The following TMEM114 variants were observed in gnomAD, a reference collection of about 807,000 sequenced individuals.
The protein encoded by TMEM114 is transmembrane protein 114.
Under a neutral mutation model 6.2 loss-of-function variants are expected in TMEM114, and 6 were observed. The ratio of observed to expected loss-of-function variants is 0.97; its 90% CI spans 0.53 to 1.91. TMEM114 has a LOEUF of 1.91. Among genes scored for constraint, TMEM114 ranks in the 40% most tolerant of loss-of-function variants. TMEM114 has a pLI of 0.01. For synonymous variants in TMEM114, 104 were observed against 73.0 expected, an observed-to-expected ratio of 1.42 and a Z score of -2.16; for missense variants, 218 against 158.3, an observed-to-expected ratio of 1.38 and a Z score of -2.02.
At chr16:8,533,596 G>A (rs568415019), downstream of TMEM114, among the ~76,000 whole-genome samples, 1 of 152,322 alleles carries the variant, frequency 6.6e-6, no homozygotes, top group East Asian at 1.9e-4. Context: ...CAACCAAGTG[G>A]ATGCTTTATG....
intron 2 of TMEM114, among the ~76,000 whole-genome samples, chr16:8,564,158 T>C (rs1305837249): frequency 4.0e-5 from 6 of 151,422 alleles, no homozygotes; most frequent in East Asian, 3.9e-4. Context: ...AATGAGTTAG[T>C]GAATGAGTGA....
At chr16:8,558,297 C>T (rs1901081355) in intron 2 of TMEM114, among the ~76,000 whole-genome samples, 1 of 152,090 alleles carries the variant, frequency 6.6e-6, no homozygotes, top group African/African-American at 2.4e-5. Flanking sequence ...GTCAGGTGGG[C>T]CATGCACCCT....
chr16:8,582,644 C>T (rs192973788), intron 2 of TMEM114, among the ~76,000 whole-genome samples: 4 of 152,270 alleles, frequency 2.6e-5, no homozygotes, highest in African/African-American at 4.8e-5. Flanking sequence ...AATCCCAGCA[C>T]TTTGGGAGGC....
At chr16:8,536,063 T>C (rs1330106803), downstream of TMEM114, among the ~76,000 whole-genome samples, 3 of 151,992 alleles carry the variant, frequency 2.0e-5, no homozygotes, top group African/African-American at 4.8e-5. Flanking sequence ...CCGTCTCTAC[T>C]AAAAATACAA....
intron 2 of TMEM114, among the ~76,000 whole-genome samples, chr16:8,553,673 G>T (rs1456033039): frequency 6.6e-6 from 1 of 151,964 alleles, no homozygotes. Context: ...AGTAGAGATG[G>T]GGCTTCACTG....
intron 2 of TMEM114, among the ~76,000 whole-genome samples, chr16:8,582,811 A>G (rs1193452294): frequency 6.6e-6 from 1 of 152,106 alleles, no homozygotes; most frequent in Non-Finnish European, 1.5e-5. Context: ...GCTCAGGAGA[A>G]TTGCTTGAAC....
chr16:8,530,005 C>A, the TMEM114 span, among the ~76,000 whole-genome samples: 1 of 152,184 alleles, frequency 6.6e-6, no homozygotes, highest in Non-Finnish European at 1.5e-5. Flanking sequence ...AATTGTGAAA[C>A]CTAATTTTTT....
chr16:8,550,225 C>G (rs1460703342), intron 2 of TMEM114, among the ~76,000 whole-genome samples: 2 of 152,220 alleles, frequency 1.3e-5, no homozygotes, highest in Non-Finnish European at 2.9e-5. Flanking sequence ...TCTTCCTCTA[C>G]CAGTCCACTG....
At chr16:8,547,638 G>T (rs181695364) in intron 2 of TMEM114, among the ~76,000 whole-genome samples, 1 of 152,134 alleles carries the variant, frequency 6.6e-6, no homozygotes, top group African/African-American at 2.4e-5. Flanking sequence ...TGATCCACCC[G>T]CCTCGGCCTC....
chr16:8,557,705 C>G (rs1283730571), intron 2 of TMEM114, among the ~76,000 whole-genome samples: 2 of 152,214 alleles, frequency 1.3e-5, no homozygotes, highest in African/African-American at 2.4e-5. Flanking sequence ...TATTTCCTGC[C>G]TCTGAGCCTC....
At chr16:8,553,833 G>A (rs1446542923) in intron 2 of TMEM114, among the ~76,000 whole-genome samples, 1 of 151,468 alleles carries the variant, frequency 6.6e-6, no homozygotes, top group South Asian at 2.1e-4. Context: ...CCAAGTAGCT[G>A]GAATTACAGG....
At chr16:8,567,047 C>T (rs1469836964), downstream of TMEM114, among the ~76,000 whole-genome samples, 8 of 148,158 alleles carry the variant, frequency 5.4e-5, no homozygotes, top group African/African-American at 1.0e-4. Flanking sequence ...ATTACAGGCG[C>T]GTGTTACCAC....
At chr16:8,589,377 C>A in intron 1 of TMEM114, 84 bp from the exon 2 acceptor site, 1 of 398,784 alleles carries the variant, frequency 2.5e-6, no homozygotes, top group African/African-American at 2.1e-5. Flanking sequence ...CCCATGCTCA[C>A]CCTAAGTGCC....
At chr16:8,557,046 G>A (rs565375715) in intron 2 of TMEM114, among the ~76,000 whole-genome samples, 2 of 152,240 alleles carry the variant, frequency 1.3e-5, no homozygotes, top group South Asian at 4.1e-4. Context: ...GAGGCTTGAG[G>A]AAACAGGATA....
intron 3 of TMEM114, among the ~76,000 whole-genome samples, chr16:8,570,392 T>A (rs1881353): frequency 0.67 from 102,422 of 151,784 alleles, 34,688 homozygotes; most frequent in East Asian, 0.78. Context: ...CTCAGCTTGC[T>A]GCGATCTCAG....
intron 2 of TMEM114, among the ~76,000 whole-genome samples, chr16:8,558,216 C>G (rs537074042): frequency 2.0e-4 from 31 of 152,230 alleles, no homozygotes; most frequent in African/African-American, 7.0e-4. Flanking sequence ...CCACTTCACT[C>G]CAGCCTAGGC....
intron 2 of TMEM114, among the ~76,000 whole-genome samples, chr16:8,553,723 C>T (rs1472034899): frequency 1.3e-5 from 2 of 152,128 alleles, no homozygotes; most frequent in East Asian, 3.9e-4. Context: ...CCTCATGGTC[C>T]GCCCACCTCG....
chr16:8,550,712 G>C (rs1239256170), intron 2 of TMEM114, among the ~76,000 whole-genome samples: 2 of 137,676 alleles, frequency 1.5e-5, no homozygotes, highest in Non-Finnish European at 3.1e-5. Context: ...AAAAAAAAAA[G>C]CAAGCAAACA....
rs1166150501 is a variant in TMEM114, at chr16:8,572,181, G to T, written c.345C>A (p.Ile115=). The T allele has an allele frequency of 6.4e-7, 1 of 1,551,636 alleles. No individual in the cohort carries two copies. Among genetic ancestry groups the T allele is most frequent in the East Asian group, 2.4e-5 (1 of 40,912 alleles). The part of the protein sequence containing the change: ...TFVILLPLSL[I]LMVFGGMTGF... ...CCGTCATCCCCCCAAAAACCATCAG[G>T]ATCAGGCTGAGCGGCAGCAGAATCA... The change falls in exon 3 of 4, where the codon ATC becomes ATA. Residue 115 remains isoleucine, a synonymous_variant. Coordinates refer to ENST00000620492, the MANE Select transcript of TMEM114 (RefSeq NM_001146336.2).
Sources: gnomAD v4.1 joint callset for allele counts (sites outside exome capture counted in the v4.1 genomes callset) on GRCh38, gnomAD v4.1.1 for gene constraint, MANE v1.5 for transcripts, NCBI Gene and HGNC (gene_info 2026-07-23, HGNC 2026-07-21) for gene names.